WDR73: variants seen among roughly 807,000 people sequenced by gnomAD.
The protein encoded by WDR73 is integrator complex assembly factor WDR73.
Under a neutral mutation model 38.2 loss-of-function variants are expected in WDR73, and 30 were observed. That is an observed-to-expected ratio of 0.79 (90% CI 0.59 to 1.06). The LOEUF (loss-of-function observed/expected upper bound fraction) is 1.06, where lower values mean the gene tolerates loss of function less well. WDR73 is among the 50% of genes least tolerant of loss of function. The pLI is 0.00. For synonymous variants in WDR73, 197 were observed against 176.0 expected, an observed-to-expected ratio of 1.12 and a Z score of -0.94; for missense variants, 487 against 467.0, an observed-to-expected ratio of 1.04 and a Z score of -0.40.
intron 3 of WDR73, among the ~76,000 whole-genome samples, chr15:84,649,685 G>C (rs1164338130): frequency 6.6e-6 from 1 of 152,034 alleles, no homozygotes; most frequent in Non-Finnish European, 1.5e-5. Context: ...GCCCAGGCTG[G>C]TCTCGAACTC....
At chr15:84,650,122 G>C (rs1567024304) in intron 3 of WDR73, among the ~76,000 whole-genome samples, 1 of 152,136 alleles carries the variant, frequency 6.6e-6, no homozygotes. Flanking sequence ...TAGCCTCTTA[G>C]CCTCTTCTCT....
Position 84,645,636 on chromosome 15 carries a change from T to G in WDR73, c.718A>C (p.Ser240Arg), listed in dbSNP as rs773848421. Residue 240 changes from serine to arginine, a missense_variant, in exon 7 of 8, where the codon AGC becomes CGC. Coordinates refer to ENST00000434634, the MANE Select transcript of WDR73 (RefSeq NM_032856.5). ...VGSWGQGPGP[S>R]IASLGSDGRL... Reference sequence around the variant, plus strand: ...CCATCTGAGCCAAGGCTGGCAATGCTGGGCCCAGGGCCCTGGCCCCAGCTC... The same window carrying G: ...CCATCTGAGCCAAGGCTGGCAATGCGGGGCCCAGGGCCCTGGCCCCAGCTC... 3.1e-6 allele frequency: 5 copies of G among 1,608,692 alleles called. No homozygotes were observed. The African/African-American group carries it at 4.0e-5, about 13-fold the overall frequency.
intron 5 of WDR73, chr15:84,646,694 T>A: frequency 4.7e-6 from 1 of 210,532 alleles, no homozygotes; most frequent in Non-Finnish European, 9.8e-6. Flanking sequence ...ACTTACCCCT[T>A]CAGCGACAAG....
rs1295982864 is a variant in WDR73, at chr15:84,642,054, TC to T, written c.*1415del. The T allele has an allele frequency of 6.6e-6, 1 of 151,846 alleles. No individual in the cohort carries two copies. Among genetic ancestry groups the T allele is most frequent in the Non-Finnish European group, 1.5e-5 (1 of 67,988 alleles). 9.4% of individuals were successfully genotyped at this position (151,846 alleles called of 1,614,324 possible). A position where few individuals can be genotyped will look rare whatever the true frequency, so the allele number is the denominator to read the frequency against. ...AACCAGCGAATTCACACAGGAGAAA[TC>T]CCCTGGCCGGGCGCGGTGGCTCACA... is the stretch of plus-strand genomic sequence containing the variant. On this transcript the variant is annotated 3_prime_UTR_variant, in exon 8 of 8. Coordinates refer to ENST00000434634, the MANE Select transcript of WDR73 (RefSeq NM_032856.5).
At chr15:84,645,163 T>C in intron 7 of WDR73, 1 of 1,211,818 alleles carries the variant, frequency 8.3e-7, no homozygotes, top group Non-Finnish European at 1.0e-6. Context: ...TGTTAGCCAC[T>C]GTCCCCTTTT....
intron 5 of WDR73, 132 bp from the exon 6 acceptor site, chr15:84,646,480 T>C: frequency 7.3e-7 from 1 of 1,364,520 alleles, no homozygotes; most frequent in Non-Finnish European, 9.8e-7. Flanking sequence ...CAAGAGATGA[T>C]GTTGAGACAT....
chr15:84,650,051 G>A (rs374737663), intron 3 of WDR73, among the ~76,000 whole-genome samples: 1 of 152,148 alleles, frequency 6.6e-6, no homozygotes, highest in South Asian at 2.1e-4. Context: ...TAAAAACTGG[G>A]CCACATCTGC....
intron 3 of WDR73, among the ~76,000 whole-genome samples, chr15:84,652,090 A>C (rs1896642525): frequency 6.6e-6 from 1 of 152,056 alleles, no homozygotes; most frequent in Admixed American, 6.5e-5. Flanking sequence ...ATGGTCCCGA[A>C]CTCCTGACCT....
chr15:84,653,413 G>T, intron 2 of WDR73: 1 of 441,226 alleles, frequency 2.3e-6, no homozygotes, highest in South Asian at 2.3e-5. Flanking sequence ...CAGGTGATCC[G>T]CCTGCCTCGG....
Position 84,654,216 on chromosome 15 carries a change from C to G in WDR73, c.41+18G>C. The stretch of plus-strand genomic sequence containing the variant: ...AGCTCCAGGCCCAGCTCCCATGTCC[C>G]AGCCCCGTACGATTTACAAGCGCAA... On this transcript the variant is annotated intron_variant, in intron 1 of 7. Transcript: ENST00000434634. 1 of 1,603,824 alleles carries G rather than the reference C, an allele frequency of 6.2e-7. No homozygotes were observed. The highest frequency in any genetic ancestry group is 8.5e-7 in the Non-Finnish European group (1 of 1,170,340).
intron 7 of WDR73, chr15:84,644,575 CTT>C (rs397853712): frequency 1.0e-4 from 11 of 109,592 alleles, no homozygotes; most frequent in Admixed American, 3.1e-4. Flanking sequence ...TGGCTTGCTA[CTT>C]TTTTTTTTTT....
rs557849806 is a variant in WDR73 at position 84,643,230 on chromosome 15, C to T, written c.*240G>A. 1.8e-6 allele frequency: 1 copy of T among 544,040 alleles called. No individual in the cohort carries two copies. The highest frequency in any genetic ancestry group is 3.1e-5 in the East Asian group (1 of 32,458). 33.7% of individuals were successfully genotyped at this position (544,040 alleles called of 1,614,324 possible). On this transcript the variant is annotated 3_prime_UTR_variant, in exon 8 of 8. Transcript: ENST00000434634. ...TACCATTTCACACTCCCAGATCTAA[C>T]AATAGCTACCAAGTAATTATGCCAT...
At chr15:84,645,393 G>A (rs1193576890) in intron 7 of WDR73, 78 bp downstream of exon 7, 4 of 1,582,710 alleles carry the variant, frequency 2.5e-6, no homozygotes, top group African/African-American at 2.7e-5. Context: ...CATGGTGCTG[G>A]AGGCTCCTTC....
chr15:84,644,817 TC>T (rs1474210290), intron 7 of WDR73: 1 of 151,750 alleles, frequency 6.6e-6, no homozygotes, highest in African/African-American at 2.4e-5. Flanking sequence ...GACCTTGTGA[TC>T]CACCCGCCTC....
chr15:84,652,542 T>G (rs1373566071), intron 3 of WDR73, among the ~76,000 whole-genome samples, 172 bp downstream of exon 3: 2 of 152,232 alleles, frequency 1.3e-5, no homozygotes, highest in Non-Finnish European at 2.9e-5. Flanking sequence ...CGAGACATTC[T>G]ACAGCATTTA....
chr15:84,652,066 C>T (rs1462639978), intron 3 of WDR73, among the ~76,000 whole-genome samples: 1 of 152,138 alleles, frequency 6.6e-6, no homozygotes, highest in East Asian at 1.9e-4. Flanking sequence ...CGGGGTTTCA[C>T]CATGTTGGTC....
Position 84,648,537 on chromosome 15 carries a change from C to T in WDR73, c.287G>A (p.Arg96Lys), listed in dbSNP as rs797044995. 1 of 1,611,924 alleles carries T rather than the reference C, an allele frequency of 6.2e-7. No individual in the cohort carries two copies. The highest frequency in any genetic ancestry group is 1.6e-4 in the Middle Eastern group (1 of 6,062). ...GGCTGGATCACAAAATTGACCATAC[C>T]TGGTATGTGGCACATGCTTTAGATC... ...IFDLKHVPHT[R>K]LLVTSGLPGC... The change falls in exon 4 of 8, where the codon AGA becomes AAA. Residue 96 changes from arginine to lysine, a missense_variant and splice_region_variant. Arg to Lys is a conservative substitution (Grantham distance 26). Coordinates refer to ENST00000434634, the MANE Select transcript of WDR73 (RefSeq NM_032856.5).
chr15:84,644,022 G>A (rs1049364894), intron 7 of WDR73: 30 of 312,188 alleles, frequency 9.6e-5, no homozygotes, highest in Middle Eastern at 1.1e-3. Flanking sequence ...GTTGGCAGCT[G>A]ATGACTCCGT....
At chr15:84,653,079 C>T (rs1896673887) in intron 2 of WDR73, 4 of 313,528 alleles carry the variant, frequency 1.3e-5, no homozygotes, top group South Asian at 9.6e-5. Context: ...CCACCATGCT[C>T]GGCTAATTTT....
Sources: allele counts gnomAD v4.1 joint callset (sites outside exome capture counted in the v4.1 genomes callset), GRCh38; gene constraint gnomAD v4.1.1; transcripts MANE v1.5; gene names NCBI Gene and HGNC (gene_info 2026-07-23, HGNC 2026-07-21).